The following CHST12 variants were observed in gnomAD, a reference collection of about 807,000 sequenced individuals.
The protein encoded by CHST12 is carbohydrate sulfotransferase 12, also known as carbohydrate (chondroitin 4) sulfotransferase 12.
In CHST12, 23 loss-of-function variants were observed where a neutral mutation model predicts 27.9. That is an observed-to-expected ratio of 0.82 (90% CI 0.59 to 1.17). The LOEUF is 1.17. Ranked by LOEUF, CHST12 falls within the 50% of genes most tolerant of loss-of-function variation. CHST12 has a pLI of 0.00. For synonymous variants in CHST12, 322 were observed against 273.0 expected, an observed-to-expected ratio of 1.18 and a Z score of -1.77; for missense variants, 682 against 603.0, an observed-to-expected ratio of 1.13 and a Z score of -1.37.
At chr7:2,424,887 G>A (rs777386025) in intron 1 of CHST12, among the ~76,000 whole-genome samples, 2 of 152,118 alleles carry the variant, frequency 1.3e-5, no homozygotes, top group African/African-American at 2.4e-5. Flanking sequence ...GGGTGCCCCC[G>A]TGGAGGAGCA....
rs1379464339 is a variant in CHST12, at chr7:2,442,806, C to T, written c.*8922C>T. 6.5e-6 allele frequency: 1 copy of T among 153,150 alleles called. No homozygotes were observed. 9.5% of individuals were successfully genotyped at this position (153,150 alleles called of 1,614,324 possible). On this transcript the variant is annotated 3_prime_UTR_variant, in exon 2 of 2. Coordinates refer to ENST00000618655, the MANE Select transcript of CHST12 (RefSeq NM_018641.5). ...GTGCATTCCCGCCGGAGCCCCGCCT[C>T]CCGTCAGATCAGCGGCGGCATTAGA...
chr7:2,405,227 C>T (rs1372806079), intron 1 of CHST12, among the ~76,000 whole-genome samples: 3 of 152,132 alleles, frequency 2.0e-5, no homozygotes, highest in East Asian at 3.9e-4. Flanking sequence ...GGCGGATCAC[C>T]TGAGGTCAGG....
chr7:2,433,304 G>A lies in CHST12; in HGVS notation c.665G>A (p.Arg222His), dbSNP rs3735101. 2.9e-4 allele frequency: 460 copies of A among 1,612,392 alleles called. 1 individual carries two copies. Among genetic ancestry groups the A allele is most frequent in the African/African-American group, 6.5e-4 (49 of 75,022 alleles). Residue 222 changes from arginine to histidine, a missense_variant, in exon 2 of 2, where the codon CGC becomes CAC. By Grantham distance (29) the Arg-to-His change is conservative. Transcript: ENST00000618655. This position sits in a 1 kb window ranked among gnomAD's most constrained non-coding sequence, Gnocchi z 6.1. ...CTGACCTTCAACAAGTTCTGGCGCCGCTACGGGAAGCTCTCCCGCCACCTC... is the reference window on the plus strand; with the variant it reads ...CTGACCTTCAACAAGTTCTGGCGCCACTACGGGAAGCTCTCCCGCCACCTC... ...AHLTFNKFWR[R>H]YGKLSRHLMK... is the part of the protein sequence containing the mutation.
intron 1 of CHST12, among the ~76,000 whole-genome samples, chr7:2,424,399 C>T (rs1361585901): frequency 6.7e-6 from 1 of 150,168 alleles, no homozygotes; most frequent in East Asian, 2.1e-4. Context: ...ATGCAGAGTA[C>T]AGCCACATTT....
In CHST12 at chr7:2,443,225, C is replaced by T. The variant is rs188636242; in HGVS notation, c.*9341C>T. ...CAAGCCATTCTTGTGCCTCAGCTTC[C>T]CGAGTAGGTGGAATTATAGGCGTGT... On this transcript the variant is annotated 3_prime_UTR_variant, in exon 2 of 2. Coordinates refer to ENST00000618655, the MANE Select transcript of CHST12 (RefSeq NM_018641.5). 2 of 152,316 alleles carry T rather than the reference C, an allele frequency of 1.3e-5. No homozygotes were observed. The highest frequency in any genetic ancestry group is 3.9e-4 in the East Asian group (2 of 5,180). 9.4% of individuals were successfully genotyped at this position (152,316 alleles called of 1,614,324 possible).
intron 1 of CHST12, among the ~76,000 whole-genome samples, chr7:2,408,294 G>A (rs1027690986): frequency 1.3e-5 from 2 of 150,944 alleles, no homozygotes; most frequent in Non-Finnish European, 2.9e-5. Context: ...CCTGGGAGGC[G>A]GAGGTAACGG....
intron 1 of CHST12, among the ~76,000 whole-genome samples, chr7:2,406,038 C>T (rs1781515796): frequency 6.6e-6 from 1 of 152,092 alleles, no homozygotes; most frequent in African/African-American, 2.4e-5. Context: ...GGGTCAGGGG[C>T]TGAAGGAGCC....
intron 1 of CHST12, among the ~76,000 whole-genome samples, chr7:2,422,182 A>G (rs1781992830): frequency 6.6e-6 from 1 of 151,730 alleles, no homozygotes; most frequent in Non-Finnish European, 1.5e-5. Context: ...CTTCATCTTA[A>G]TTGGCAACTT....
chr7:2,423,407 A>G (rs571724050), intron 1 of CHST12, among the ~76,000 whole-genome samples: 1 of 152,264 alleles, frequency 6.6e-6, no homozygotes, highest in Non-Finnish European at 1.5e-5. Flanking sequence ...AGGGCAGGTG[A>G]GGAATGCGGT....
chr7:2,412,308 G>A (rs1781688179), intron 1 of CHST12, among the ~76,000 whole-genome samples: 1 of 152,202 alleles, frequency 6.6e-6, no homozygotes, highest in African/African-American at 2.4e-5. Flanking sequence ...GTACCACTGT[G>A]TGTAAGTTCC....
chr7:2,428,747 C>T (rs1782198435), intron 1 of CHST12, among the ~76,000 whole-genome samples: 1 of 152,132 alleles, frequency 6.6e-6, no homozygotes, highest in South Asian at 2.1e-4. Flanking sequence ...AGCCTTAAAA[C>T]AGAAACACAG....
intron 1 of CHST12, among the ~76,000 whole-genome samples, chr7:2,415,816 GT>G (rs1482037359): frequency 2.0e-5 from 3 of 151,874 alleles, no homozygotes; most frequent in Non-Finnish European, 2.9e-5. Context: ...GGGTTTTACC[GT>G]GTTAGCCAGG....
chr7:2,431,894 T>G (rs1018197685), intron 1 of CHST12, among the ~76,000 whole-genome samples: 3 of 152,102 alleles, frequency 2.0e-5, no homozygotes, highest in Admixed American at 6.6e-5. Flanking sequence ...CTCTTACTTA[T>G]GACACCAATA....
At chr7:2,410,370 A>G (rs1417643103) in intron 1 of CHST12, among the ~76,000 whole-genome samples, 7 of 152,140 alleles carry the variant, frequency 4.6e-5, no homozygotes, top group Non-Finnish European at 1.0e-4. Context: ...ATTTGAGGCC[A>G]GGCATGGTGG....
At chr7:2,413,075 T>A (rs1274812703) in intron 1 of CHST12, among the ~76,000 whole-genome samples, 2 of 152,226 alleles carry the variant, frequency 1.3e-5, no homozygotes, top group Non-Finnish European at 2.9e-5. Flanking sequence ...CTGTGTTTTC[T>A]CATTTTTGTG....
In CHST12 at chr7:2,433,950, G is replaced by A. The variant is rs1355015450; in HGVS notation, c.*66G>A. On this transcript the variant is annotated 3_prime_UTR_variant, in exon 2 of 2. Transcript: ENST00000618655. This position sits in a 1 kb window ranked among gnomAD's most constrained non-coding sequence, Gnocchi z 6.1. ...CGCACGCGCACTCCAGTTTTTTTAT[G>A]ACCTACGATTTTGCAATCTGGGCTT... 18 of 1,424,388 alleles carry A rather than the reference G, an allele frequency of 1.3e-5. No individual in the cohort carries two copies. The highest frequency in any genetic ancestry group is 1.6e-5 in the Non-Finnish European group (17 of 1,051,192). The allele number at this position is 1,424,388 out of a possible 1,614,324, so 88.2% of individuals were successfully genotyped here.
rs955043703 is a variant in CHST12, at chr7:2,445,199, G to C, written c.*11315G>C. 1.1e-4 allele frequency: 16 copies of C among 152,258 alleles called. No individual in the cohort carries two copies. Among genetic ancestry groups the C allele is most frequent in the African/African-American group, 3.6e-4 (15 of 41,444 alleles). The allele number at this position is 152,258 out of a possible 1,614,324, so 9.4% of individuals were successfully genotyped here. ...AGCCTCCCAGTGGTGCTTTGGGAAGGGGGCCAGGCAGGGCGTCCTGGTGAG... is the reference window on the plus strand; with the variant it reads ...AGCCTCCCAGTGGTGCTTTGGGAAGCGGGCCAGGCAGGGCGTCCTGGTGAG... On this transcript the variant is annotated 3_prime_UTR_variant, in exon 2 of 2. Coordinates refer to ENST00000618655, the MANE Select transcript of CHST12 (RefSeq NM_018641.5).
At chr7:2,423,448 G>A (rs769626509) in intron 1 of CHST12, among the ~76,000 whole-genome samples, 5 of 152,032 alleles carry the variant, frequency 3.3e-5, no homozygotes, top group Admixed American at 1.3e-4. Context: ...AGCGGGGGCC[G>A]TGGAGAGACA....
In CHST12 at chr7:2,433,857, C is replaced by G. The variant is rs776356959; in HGVS notation, c.1218C>G (p.Pro406=). The G allele has an allele frequency of 3.0e-5, 48 of 1,582,958 alleles. No individual in the cohort carries two copies. Among genetic ancestry groups the G allele is most frequent in the Non-Finnish European group, 3.9e-5 (45 of 1,159,328 alleles). ...CCGACTTTGTTCTCTTCGGCTACCCCAAGCCCGAAAACCTCCTCCGAGACT... is the reference window on the plus strand; with the variant it reads ...CCGACTTTGTTCTCTTCGGCTACCCGAAGCCCGAAAACCTCCTCCGAGACT... ...YEADFVLFGY[P]KPENLLRD Residue 406 remains proline, a synonymous_variant, in exon 2 of 2, where the codon CCC becomes CCG. Transcript: ENST00000618655. This position sits in a 1 kb window ranked among gnomAD's most constrained non-coding sequence, Gnocchi z 6.1.
Sources: allele counts gnomAD v4.1 joint callset (sites outside exome capture counted in the v4.1 genomes callset), GRCh38; gene constraint gnomAD v4.1.1; non-coding constraint Gnocchi (gnomAD v3.1); transcripts MANE v1.5; gene names NCBI Gene and HGNC (gene_info 2026-07-23, HGNC 2026-07-21).